Variants in SYNE1 observed in about 807,000 individuals in gnomAD.
The protein encoded by SYNE1 is nesprin-1.
In SYNE1, 616 loss-of-function variants were observed where a neutral mutation model predicts 1,111.0. That is an observed-to-expected ratio of 0.55 (90% CI 0.52 to 0.59). The LOEUF is 0.59. SYNE1 is among the 20% of genes least tolerant of loss of function. The probability of loss-of-function intolerance (pLI) is 0.00; values close to 1 mark genes in which losing one functional copy is unlikely to be tolerated. For synonymous variants in SYNE1, 3,855 were observed against 3,825.8 expected, an observed-to-expected ratio of 1.01 and a Z score of -0.28; for missense variants, 10,006 against 10,417.0, an observed-to-expected ratio of 0.96 and a Z score of 1.72.
Position 152,376,294 on chromosome 6 carries a change from C to T in SYNE1, c.9324+87G>A, listed in dbSNP as rs533622211. ...CAGGCCAGGGACCTGTACCAGTCCGCGGCCCAGGAGATGGGGACCCTTGAT... is the reference window on the plus strand; with the variant it reads ...CAGGCCAGGGACCTGTACCAGTCCGTGGCCCAGGAGATGGGGACCCTTGAT... On this transcript the variant is annotated intron_variant, in intron 58 of 145. Coordinates refer to ENST00000367255, the MANE Select transcript of SYNE1 (RefSeq NM_182961.4). 264 of 1,451,974 alleles carry T rather than the reference C, an allele frequency of 1.8e-4. 1 individual carries two copies. The African/African-American group carries it at 2.5e-3, about 14-fold the overall frequency. The allele number at this position is 1,451,974 out of a possible 1,614,324, so 89.9% of individuals were successfully genotyped here.
At chr6:152,592,358 T>C (rs549778636) in intron 3 of SYNE1, among the ~76,000 whole-genome samples, 5 of 152,108 alleles carry the variant, frequency 3.3e-5, no homozygotes, top group Non-Finnish European at 5.9e-5. Flanking sequence ...ATGTAGTACA[T>C]ATACACCATG....
intron 5 of SYNE1, among the ~76,000 whole-genome samples, chr6:152,524,685 G>T (rs547701094): frequency 2.0e-5 from 3 of 152,256 alleles, no homozygotes; most frequent in Non-Finnish European, 4.4e-5. Flanking sequence ...GTGATCCCAG[G>T]TGGCAAGAAT....
intron 3 of SYNE1, among the ~76,000 whole-genome samples, chr6:152,614,465 T>C (rs957856151): frequency 3.9e-5 from 6 of 152,186 alleles, no homozygotes; most frequent in African/African-American, 1.4e-4. Flanking sequence ...ATGGCGATTA[T>C]TAAAAAGTCA....
chr6:152,626,431 G>T (rs538918043), intron 3 of SYNE1, among the ~76,000 whole-genome samples: 2 of 152,162 alleles, frequency 1.3e-5, no homozygotes, highest in East Asian at 1.9e-4. Flanking sequence ...GCACAAAATG[G>T]TTCAACAATT....
intron 5 of SYNE1, 114 bp from the exon 6 acceptor site, chr6:152,520,656 C>A (rs1038620482): frequency 3.5e-6 from 4 of 1,153,700 alleles, no homozygotes; most frequent in South Asian, 1.3e-5. Flanking sequence ...CAAAAGCAAC[C>A]AACATTGTTC....
At chr6:152,310,653 A>AT (rs763417410) in intron 88 of SYNE1, 35 bp downstream of exon 88, 10 of 1,608,990 alleles carry the variant, frequency 6.2e-6, no homozygotes, top group African/African-American at 5.4e-5. Context: ...AATGATAGAC[A>AT]TTTTTTTCTG....
chr6:152,341,731 C>A (rs767909617), intron 74 of SYNE1, among the ~76,000 whole-genome samples: 1 of 152,156 alleles, frequency 6.6e-6, no homozygotes, highest in African/African-American at 2.4e-5. Context: ...CACAGTAAGT[C>A]CTCATTTAAT....
intron 70 of SYNE1, 36 bp downstream of exon 70, chr6:152,351,991 C>T: frequency 6.2e-7 from 1 of 1,602,384 alleles, no homozygotes; most frequent in Non-Finnish European, 8.5e-7. Flanking sequence ...CTCTGTGTGA[C>T]CTCTGCATGC....
chr6:152,218,853 C>T, intron 120 of SYNE1, 150 bp downstream of exon 120: 1 of 849,426 alleles, frequency 1.2e-6, no homozygotes, highest in Non-Finnish European at 1.9e-6. Context: ...CTTCATCGTC[C>T]CCACCAGAAC....
intron 24 of SYNE1, among the ~76,000 whole-genome samples, chr6:152,454,969 T>C (rs1307940136): frequency 2.6e-5 from 4 of 152,118 alleles, no homozygotes; most frequent in Admixed American, 6.5e-5. Context: ...CTTTTCATGA[T>C]AAACATGAAG....
At chr6:152,244,105 C>T (rs1471520998) in intron 106 of SYNE1, among the ~76,000 whole-genome samples, 1 of 151,964 alleles carries the variant, frequency 6.6e-6, no homozygotes, top group Non-Finnish European at 1.5e-5. Flanking sequence ...ATAGTGCTTG[C>T]CTTAGAAAAA....
intron 53 of SYNE1, among the ~76,000 whole-genome samples, chr6:152,388,076 TC>T (rs1305764033): frequency 1.3e-5 from 2 of 151,958 alleles, no homozygotes; most frequent in Non-Finnish European, 2.9e-5. Context: ...TTTCCCCAGC[TC>T]CCCCTGCATA....
At chr6:152,462,531 A>G in intron 20 of SYNE1, 1 of 618,980 alleles carries the variant, frequency 1.6e-6, no homozygotes, top group Non-Finnish European at 2.8e-6. Flanking sequence ...AAACTGAGAA[A>G]CAATTTGAAG....
chr6:152,364,768 A>G, intron 63 of SYNE1, 79 bp downstream of exon 63: 1 of 1,576,290 alleles, frequency 6.3e-7, no homozygotes, highest in East Asian at 2.3e-5. Context: ...GAAGCCGGCC[A>G]CAGGAATGGT....
At position 152,615,466 on chromosome 6, in the gene SYNE1, A is replaced by G. The variant is rs145431187; in HGVS notation, c.67+12799T>C. Among the ~76,000 whole-genome samples the G allele has an allele frequency of 6.2e-3, 940 of 152,304 alleles. 9 individuals carry two copies. Among genetic ancestry groups the G allele is most frequent in the African/African-American group, 0.022 (894 of 41,554 alleles). ...GCACAAAGTAACAGGAGAACAAAAT[A>G]TACAAAACTTTCAAATATATCAGAA... On this transcript the variant is annotated intron_variant, in intron 3 of 145. Coordinates refer to ENST00000367255, the MANE Select transcript of SYNE1 (RefSeq NM_182961.4).
At chr6:152,178,634 A>G (rs1033515509) in intron 129 of SYNE1, among the ~76,000 whole-genome samples, 1 of 152,210 alleles carries the variant, frequency 6.6e-6, no homozygotes, top group African/African-American at 2.4e-5. Flanking sequence ...ATTTCTTTTC[A>G]GAATAAATGC....
chr6:152,622,068 C>G (rs1283482834), intron 3 of SYNE1, among the ~76,000 whole-genome samples: 2 of 152,042 alleles, frequency 1.3e-5, no homozygotes, highest in African/African-American at 2.4e-5. Flanking sequence ...ATGTATTTAA[C>G]TATAATGTTC....
intron 119 of SYNE1, 108 bp downstream of exon 119, chr6:152,220,734 G>A (rs888175370): frequency 5.9e-6 from 6 of 1,015,598 alleles, no homozygotes; most frequent in South Asian, 1.3e-5. Flanking sequence ...TTATTTTTGG[G>A]TAACTGTCTC....
chr6:152,148,479 G>A lies in SYNE1; in HGVS notation c.24643-101C>T, dbSNP rs2059881935. The A allele has an allele frequency of 2.0e-6, 2 of 994,972 alleles. No individual in the cohort carries two copies. The highest frequency in any genetic ancestry group is 3.1e-6 in the Non-Finnish European group (2 of 652,204). 61.6% of individuals were successfully genotyped at this position (994,972 alleles called of 1,614,324 possible). A position where few individuals can be genotyped will look rare whatever the true frequency, so the allele number is the denominator to read the frequency against. On this transcript the variant is annotated intron_variant, in intron 136 of 145. Coordinates refer to ENST00000367255, the MANE Select transcript of SYNE1 (RefSeq NM_182961.4). This position sits in a 1 kb window ranked among gnomAD's most constrained non-coding sequence, Gnocchi z 4.1. ...GTGGGGACAATTTTTAACTTCTTAT[G>A]AGCAAATAAATAAGAATCTTCTGAT... is the stretch of plus-strand genomic sequence containing the variant.
Sources: allele counts gnomAD v4.1 joint callset (sites outside exome capture counted in the v4.1 genomes callset), GRCh38; gene constraint gnomAD v4.1.1; non-coding constraint Gnocchi (gnomAD v3.1); transcripts MANE v1.5; gene names NCBI Gene and HGNC (gene_info 2026-07-23, HGNC 2026-07-21).